The following EML6 variants were observed in gnomAD, a reference collection of about 807,000 sequenced individuals.
The protein encoded by EML6 is EMAP like 6.
Under a neutral mutation model 240.1 loss-of-function variants are expected in EML6, and 154 were observed. The ratio of observed to expected loss-of-function variants is 0.64; its 90% CI spans 0.56 to 0.73. The LOEUF is 0.73. Among genes scored for constraint, EML6 ranks in the 30% least tolerant of loss-of-function variants. The pLI, the probability that EML6 is intolerant of heterozygous loss-of-function variation, is 0.00. For synonymous variants in EML6, 1,148 were observed against 899.0 expected (o/e 1.28, Z -4.95); for missense variants, 2,964 against 2,474.6 (o/e 1.20, Z -4.20).
chr2:54,749,289 TGC>T (rs1375200583), intron 2 of EML6, among the ~76,000 whole-genome samples: 3 of 152,204 alleles, frequency 2.0e-5, no homozygotes, highest in Non-Finnish European at 4.4e-5. Context: ...TCATGGTAAA[TGC>T]CTACATTTAC....
At chr2:54,931,010 T>C (rs1258408144) in intron 28 of EML6, among the ~76,000 whole-genome samples, 1 of 135,106 alleles carries the variant, frequency 7.4e-6, no homozygotes, top group Non-Finnish European at 1.5e-5. Context: ...CAGGCTGGAG[T>C]GCAGTGGCGC....
At chr2:54,828,888 T>C (rs1423621531) in intron 6 of EML6, among the ~76,000 whole-genome samples, 6 of 152,366 alleles carry the variant, frequency 3.9e-5, no homozygotes, top group Admixed American at 2.0e-4. Context: ...GTGATACCTT[T>C]GTGAGCTCAC....
At chr2:54,874,523 G>GT (rs1433978179) in intron 16 of EML6, among the ~76,000 whole-genome samples, 3 of 152,122 alleles carry the variant, frequency 2.0e-5, no homozygotes, top group African/African-American at 7.2e-5. Context: ...CAAATGTGTT[G>GT]TTTTTGCTTA....
At chr2:54,731,501 C>T (rs1223762931) in intron 2 of EML6, among the ~76,000 whole-genome samples, 1 of 152,050 alleles carries the variant, frequency 6.6e-6, no homozygotes, top group East Asian at 1.9e-4. Context: ...TTTAGCCAGG[C>T]ATGGTGGCGT....
At chr2:54,731,402 G>A (rs1464394817) in intron 2 of EML6, among the ~76,000 whole-genome samples, 2 of 152,148 alleles carry the variant, frequency 1.3e-5, no homozygotes, top group African/African-American at 4.8e-5. Context: ...CACTTTGGGA[G>A]GCTGAGGTGG....
chr2:54,901,208 G>T (rs906438807), intron 22 of EML6, among the ~76,000 whole-genome samples: 3 of 152,218 alleles, frequency 2.0e-5, no homozygotes, highest in Non-Finnish European at 2.9e-5. Flanking sequence ...TGCACATTTA[G>T]TAGGTAATGG....
chr2:54,882,483 T>C (rs573865200), intron 17 of EML6: 8 of 152,166 alleles, frequency 5.3e-5, no homozygotes, highest in Admixed American at 2.6e-4. Context: ...AGGGGAACAA[T>C]GAATAGGAGG....
intron 25 of EML6, among the ~76,000 whole-genome samples, chr2:54,916,508 A>G (rs945723353): frequency 1.1e-4 from 16 of 152,054 alleles, no homozygotes; most frequent in Non-Finnish European, 2.2e-4. Flanking sequence ...TATTATTATC[A>G]AATTTCCACA....
At position 54,892,541 on chromosome 2, in the gene EML6, A is replaced by C; in HGVS notation, c.2627A>C (p.Asp876Ala). ...TGTGTTTCTTACGGACGAATGGAAG[A>C]TCTAGTGTTCTCAGGAGCAGCTACT... ...MMCVSYGRME[D>A]LVFSGAATGD... The change falls in exon 19 of 42, where the codon GAT becomes GCT. Residue 876 changes from aspartate (D) to alanine (A), a missense_variant. Asp to Ala is a moderately radical substitution (Grantham distance 126). Transcript: ENST00000356458. The C allele has an allele frequency of 6.4e-7, 1 of 1,551,392 alleles. No homozygotes were observed. The highest frequency in any genetic ancestry group is 8.7e-7 in the Non-Finnish European group (1 of 1,146,658).
chr2:54,771,831 A>T (rs772826754), intron 2 of EML6, among the ~76,000 whole-genome samples: 15 of 152,218 alleles, frequency 9.9e-5, no homozygotes, highest in Non-Finnish European at 1.5e-4. Flanking sequence ...CATTTGTGTT[A>T]CCTCTTCAAG....
chr2:54,835,687 G>T (rs1669103923), intron 7 of EML6, among the ~76,000 whole-genome samples: 1 of 152,164 alleles, frequency 6.6e-6, no homozygotes, highest in South Asian at 2.1e-4. Flanking sequence ...TGGTCAGATA[G>T]TCTAGCAGCT....
chr2:54,898,846 A>G (rs1017345778), intron 21 of EML6, among the ~76,000 whole-genome samples: 1 of 152,248 alleles, frequency 6.6e-6, no homozygotes, highest in Admixed American at 6.5e-5. Context: ...ACACTGCATT[A>G]TAGAGTGAAA....
intron 25 of EML6, among the ~76,000 whole-genome samples, chr2:54,914,134 C>T (rs1169812697): frequency 2.0e-5 from 3 of 152,166 alleles, no homozygotes; most frequent in South Asian, 4.1e-4. Context: ...GACTATTCAG[C>T]CTCTTTTTTG....
intron 31 of EML6, among the ~76,000 whole-genome samples, chr2:54,953,030 G>A (rs1676058472): frequency 6.6e-6 from 1 of 152,178 alleles, no homozygotes; most frequent in Non-Finnish European, 1.5e-5. Flanking sequence ...GTAGGTTTCA[G>A]TAAGTGTGCC....
intron 5 of EML6, among the ~76,000 whole-genome samples, chr2:54,822,648 T>G (rs73935666): frequency 0.021 from 3,164 of 152,128 alleles, 122 homozygotes; most frequent in African/African-American, 0.073. Flanking sequence ...ACTTTGGGGG[T>G]TGGGTTATGG....
rs148313828 is a variant in EML6 at position 54,846,108 on chromosome 2, C to T, written c.1050-1378C>T. On this transcript the variant is annotated intron_variant, in intron 8 of 41. Coordinates refer to ENST00000356458, the MANE Select transcript of EML6 (RefSeq NM_001039753.4). ...TTGAGCTGCAATTGCCCCTCGTTTG[C>T]CACTTCTCCAGCAGTGACTGTGCTT... 2.3e-3 allele frequency among the ~76,000 whole-genome samples: 356 copies of T among 152,230 alleles called. 12 individuals carry two copies. The East Asian group carries it at 0.058, about 25-fold the overall frequency.
At chr2:54,920,213 A>G (rs1674150389) in intron 26 of EML6, among the ~76,000 whole-genome samples, 2 of 152,158 alleles carry the variant, frequency 1.3e-5, no homozygotes, top group African/African-American at 4.8e-5. Context: ...TATAAAGAGA[A>G]TAGAAAAGAC....
At chr2:54,871,769 C>T (rs548789814) in intron 16 of EML6, among the ~76,000 whole-genome samples, 164 bp downstream of exon 16, 2 of 152,348 alleles carry the variant, frequency 1.3e-5, no homozygotes, top group Non-Finnish European at 2.9e-5. Context: ...GCCAGCTACC[C>T]GCTCTTATAC....
At chr2:54,918,128 T>C (rs1051395459) in intron 26 of EML6, among the ~76,000 whole-genome samples, 1 of 152,246 alleles carries the variant, frequency 6.6e-6, no homozygotes. Context: ...TTTACATTTA[T>C]ACCCAAAGAG....
Sources: allele counts gnomAD v4.1 joint callset (sites outside exome capture counted in the v4.1 genomes callset), GRCh38; gene constraint gnomAD v4.1.1; transcripts MANE v1.5; gene names NCBI Gene and HGNC (gene_info 2026-07-23, HGNC 2026-07-21).